DHRS7B: variants seen among roughly 807,000 people sequenced by gnomAD.
DHRS7B encodes the protein peroxisomal reductase activating PPAR-gamma.
In DHRS7B, 24 loss-of-function variants were observed where a neutral mutation model predicts 26.4. The ratio of observed to expected loss-of-function variants is 0.91; its 90% CI spans 0.66 to 1.28. DHRS7B has a LOEUF of 1.28. DHRS7B is among the 50% of genes most tolerant of loss of function. The pLI is 0.00. For synonymous variants in DHRS7B, 142 were observed against 166.4 expected, an observed-to-expected ratio of 0.85 and a Z score of 1.13; for missense variants, 368 against 419.4, an observed-to-expected ratio of 0.88 and a Z score of 1.07.
chr17:21,132,147 T>A (rs929114587), intron 1 of DHRS7B, among the ~76,000 whole-genome samples: 2 of 151,852 alleles, frequency 1.3e-5, no homozygotes, highest in African/African-American at 4.8e-5. Flanking sequence ...GACTCTGGGG[T>A]AGCTACATGG....
chr17:21,139,362 A>G (rs1198678898), intron 1 of DHRS7B, among the ~76,000 whole-genome samples: 2 of 152,178 alleles, frequency 1.3e-5, no homozygotes, highest in African/African-American at 4.8e-5. Context: ...ACCTTAATGT[A>G]TCTGGCAGAG....
chr17:21,160,802 C>T (rs552162088), intron 1 of DHRS7B, among the ~76,000 whole-genome samples: 3 of 151,922 alleles, frequency 2.0e-5, no homozygotes, highest in South Asian at 4.2e-4. Flanking sequence ...TCATAATTGC[C>T]GAAACTTCGA....
At chr17:21,183,910 T>C in intron 4 of DHRS7B, 100 bp downstream of exon 4, 1 of 1,046,190 alleles carries the variant, frequency 9.6e-7, no homozygotes. Context: ...CTCCATCCTC[T>C]CTGTTGCCCT....
intron 2 of DHRS7B, among the ~76,000 whole-genome samples, chr17:21,173,548 A>G (rs940051916): frequency 1.3e-5 from 2 of 152,202 alleles, no homozygotes; most frequent in Non-Finnish European, 2.9e-5. Flanking sequence ...GCATGAACAC[A>G]GAGAGGCAGG....
intron 1 of DHRS7B, among the ~76,000 whole-genome samples, chr17:21,140,326 A>G (rs1305964825): frequency 6.6e-6 from 1 of 152,000 alleles, no homozygotes; most frequent in Admixed American, 6.6e-5. Context: ...ATTCTTGATA[A>G]CTTGTTTTAC....
chr17:21,155,212 A>G (rs1489050852), intron 1 of DHRS7B, among the ~76,000 whole-genome samples: 1 of 152,242 alleles, frequency 6.6e-6, no homozygotes, highest in Non-Finnish European at 1.5e-5. Flanking sequence ...AGAGTTTATC[A>G]AAGAATAAGA....
At chr17:21,160,272 G>A (rs201016635) in intron 1 of DHRS7B, among the ~76,000 whole-genome samples, 3 of 152,098 alleles carry the variant, frequency 2.0e-5, no homozygotes, top group East Asian at 1.9e-4. Context: ...CAGGAGAATC[G>A]CTTGAACCCA....
At chr17:21,184,608 C>G in intron 5 of DHRS7B, 145 bp downstream of exon 5, 1 of 799,130 alleles carries the variant, frequency 1.3e-6, no homozygotes, top group Non-Finnish European at 2.0e-6. Flanking sequence ...TTCTCCAGAG[C>G]CACATGCCTG....
intron 1 of DHRS7B, among the ~76,000 whole-genome samples, chr17:21,147,351 A>G (rs1262407529): frequency 6.6e-6 from 1 of 152,214 alleles, no homozygotes; most frequent in East Asian, 1.9e-4. Flanking sequence ...TGACAAAAAG[A>G]GTGGAGAAAT....
intron 1 of DHRS7B, among the ~76,000 whole-genome samples, chr17:21,167,774 G>T (rs753791043): frequency 2.6e-5 from 4 of 152,046 alleles, no homozygotes; most frequent in Non-Finnish European, 4.4e-5. Flanking sequence ...CATCAATCTT[G>T]CCTTCTCAGT....
chr17:21,181,581 CAAT>C (rs1251637901), intron 3 of DHRS7B, among the ~76,000 whole-genome samples: 1 of 152,192 alleles, frequency 6.6e-6, no homozygotes, highest in Non-Finnish European at 1.5e-5. Context: ...GAAGCTCCCA[CAAT>C]AACAGCATTA....
Position 21,173,779 on chromosome 17 carries a change from T to G in DHRS7B, c.199+1583T>G, listed in dbSNP as rs554602561. On this transcript the variant is annotated intron_variant, in intron 2 of 6. Coordinates refer to ENST00000395511, the MANE Select transcript of DHRS7B (RefSeq NM_015510.5). ...CCTTACTCAGTTACTATATATAGGG[T>G]GGTCAGCAGCCACTTCTCTTGAGCT... Among the ~76,000 whole-genome samples the G allele has an allele frequency of 4.6e-5, 7 of 152,222 alleles. No individual in the cohort carries two copies. In the East Asian group the frequency reaches 1.4e-3, roughly 29 times the overall value.
At chr17:21,169,024 T>C (rs1974176505) in intron 1 of DHRS7B, 1 of 604,470 alleles carries the variant, frequency 1.7e-6, no homozygotes, top group Non-Finnish European at 2.1e-6. Flanking sequence ...TGGTTTATTT[T>C]CATCCTGCTC....
chr17:21,144,685 G>T (rs990948616), intron 1 of DHRS7B, among the ~76,000 whole-genome samples: 3 of 152,044 alleles, frequency 2.0e-5, no homozygotes, highest in Non-Finnish European at 4.4e-5. Context: ...AGGCATAGTG[G>T]TGCGTGCCTG....
rs545369836 is a variant in DHRS7B at position 21,175,798 on chromosome 17, A to G, written c.200-2435A>G. 3.3e-4 allele frequency among the ~76,000 whole-genome samples: 50 copies of G among 152,076 alleles called. No homozygotes were observed. The South Asian group carries it at 0.01, about 31-fold the overall frequency. ...ACAAAAGTTAGCCAAGCATGGTGGC[A>G]TGTGCCTGTAGTCCCGGCAACTTGG... On this transcript the variant is annotated intron_variant, in intron 2 of 6. Coordinates refer to ENST00000395511, the MANE Select transcript of DHRS7B (RefSeq NM_015510.5).
At chr17:21,140,479 T>TACACAC (rs4020775) in intron 1 of DHRS7B, among the ~76,000 whole-genome samples, 7,462 of 83,516 alleles carry the variant, frequency 0.089, 559 homozygotes, top group East Asian at 0.12. Flanking sequence ...GCCTTTTAAA[T>TACACAC]ACACACACAC....
rs1340078273 is a variant in DHRS7B at position 21,188,869 on chromosome 17, G to A, written c.772+6G>A. 6.2e-7 allele frequency: 1 copy of A among 1,614,142 alleles called. No individual in the cohort carries two copies. On this transcript the variant is annotated splice_donor_region_variant and intron_variant, in intron 6 of 6. Transcript: ENST00000395511. Reference sequence around the variant, plus strand: ...GGATGGATCTAGGTATGGAGGTGAGGCCCGGTTTCTCTTTTCTCCTATGAA... The same window carrying A: ...GGATGGATCTAGGTATGGAGGTGAGACCCGGTTTCTCTTTTCTCCTATGAA...
At chr17:21,129,070 G>A (rs997064732) in intron 1 of DHRS7B, among the ~76,000 whole-genome samples, 1 of 152,190 alleles carries the variant, frequency 6.6e-6, no homozygotes, top group Non-Finnish European at 1.5e-5. Flanking sequence ...TGTGCTGGGT[G>A]TTGTGGATAC....
intron 3 of DHRS7B, among the ~76,000 whole-genome samples, chr17:21,183,131 G>A (rs1188109661): frequency 2.0e-5 from 3 of 152,084 alleles, no homozygotes; most frequent in African/African-American, 7.2e-5. Flanking sequence ...GTTTTTCAAG[G>A]AATGTATCCA....
Sources: allele counts gnomAD v4.1 joint callset (sites outside exome capture counted in the v4.1 genomes callset), GRCh38; gene constraint gnomAD v4.1.1; transcripts MANE v1.5; gene names NCBI Gene and HGNC (gene_info 2026-07-23, HGNC 2026-07-21).